VPS41: variants seen among roughly 807,000 people sequenced by gnomAD.
VPS41 encodes the protein vacuolar protein sorting-associated protein 41 homolog.
Under a neutral mutation model 130.9 loss-of-function variants are expected in VPS41, and 85 were observed. The ratio of observed to expected loss-of-function variants is 0.65; its 90% CI spans 0.55 to 0.78. The LOEUF (loss-of-function observed/expected upper bound fraction) is 0.78, where lower values mean the gene tolerates loss of function less well. Ranked by LOEUF, VPS41 falls within the 30% of genes least tolerant of loss-of-function variation. VPS41 has a pLI of 0.00. For synonymous variants in VPS41, 335 were observed against 332.9 expected (o/e 1.01, Z -0.07); for missense variants, 874 against 1,018.7 (o/e 0.86, Z 1.93).
intron 21 of VPS41, 55 bp from the exon 22 acceptor site, chr7:38,752,368 G>A: frequency 1.9e-6 from 3 of 1,604,120 alleles, no homozygotes; most frequent in Non-Finnish European, 2.6e-6. Flanking sequence ...AGCAATACCT[G>A]GCTAACATTG....
In VPS41 at chr7:38,723,297, A is replaced by C. The variant is rs899276615; in HGVS notation, c.*2949T>G. 6.6e-6 allele frequency: 1 copy of C among 152,226 alleles called. No homozygotes were observed. Among genetic ancestry groups the C allele is most frequent in the Non-Finnish European group, 1.5e-5 (1 of 68,046 alleles). 9.4% of individuals were successfully genotyped at this position (152,226 alleles called of 1,614,324 possible). On this transcript the variant is annotated 3_prime_UTR_variant, in exon 29 of 29. Transcript: ENST00000310301. ...TTGTAACAACAGCAAAATGAACTAC[A>C]AATCTGTTGGAAACTTCTCAAAAAT...
chr7:38,870,121 C>CG (rs1222863468), intron 2 of VPS41, among the ~76,000 whole-genome samples: 1 of 151,988 alleles, frequency 6.6e-6, no homozygotes, highest in Non-Finnish European at 1.5e-5. Context: ...CAGCCACTGC[C>CG]GGGGGTAGGG....
intron 10 of VPS41, among the ~76,000 whole-genome samples, chr7:38,779,032 A>C (rs941549791): frequency 6.6e-6 from 1 of 152,244 alleles, no homozygotes; most frequent in Non-Finnish European, 1.5e-5. Flanking sequence ...ACATGATAGA[A>C]ACTCCAATGT....
chr7:38,772,693 A>G, intron 12 of VPS41, 56 bp from the exon 13 acceptor site: 1 of 1,297,090 alleles, frequency 7.7e-7, no homozygotes, highest in Non-Finnish European at 1.1e-6. Flanking sequence ...AAAACTTGGC[A>G]ATGGTTTCAG....
At chr7:38,885,477 A>G (rs1239967642) in intron 2 of VPS41, among the ~76,000 whole-genome samples, 12 of 152,132 alleles carry the variant, frequency 7.9e-5, no homozygotes. Flanking sequence ...TAATCGCTCA[A>G]TTTCCTCTTC....
chr7:38,861,556 G>A (rs768099160), intron 4 of VPS41, among the ~76,000 whole-genome samples: 30 of 152,144 alleles, frequency 2.0e-4, no homozygotes, highest in Non-Finnish European at 3.7e-4. Flanking sequence ...GATTGTCCTC[G>A]TTCCAGGGTT....
chr7:38,818,742 G>A (rs1423123723), intron 6 of VPS41, among the ~76,000 whole-genome samples: 1 of 152,012 alleles, frequency 6.6e-6, no homozygotes, highest in Admixed American at 6.5e-5. Flanking sequence ...AACTAATTTT[G>A]TGTTTTTCTA....
intron 9 of VPS41, among the ~76,000 whole-genome samples, chr7:38,793,132 C>T (rs1784563215): frequency 6.6e-6 from 1 of 152,174 alleles, no homozygotes; most frequent in South Asian, 2.1e-4. Flanking sequence ...TATTTGCCAC[C>T]TTCAACATGC....
intron 3 of VPS41, among the ~76,000 whole-genome samples, chr7:38,863,860 T>C (rs1049299667): frequency 6.6e-6 from 1 of 152,100 alleles, no homozygotes; most frequent in Non-Finnish European, 1.5e-5. Context: ...GCTTGGGCGC[T>C]GGAAGGGAAA....
intron 2 of VPS41, among the ~76,000 whole-genome samples, chr7:38,885,471 C>T (rs1318227424): frequency 6.6e-6 from 1 of 152,138 alleles, no homozygotes; most frequent in African/African-American, 2.4e-5. Context: ...TATTATTAAT[C>T]GCTCAATTTC....
chr7:38,808,743 A>G (rs1784884024), intron 7 of VPS41, among the ~76,000 whole-genome samples: 1 of 152,202 alleles, frequency 6.6e-6, no homozygotes, highest in Admixed American at 6.5e-5. Flanking sequence ...CAGGAGACAG[A>G]GAGGAACTGC....
intron 5 of VPS41, among the ~76,000 whole-genome samples, chr7:38,826,057 G>A (rs1377686338): frequency 6.6e-6 from 1 of 152,188 alleles, no homozygotes; most frequent in Non-Finnish European, 1.5e-5. Context: ...GGTAGCTAAA[G>A]GGACTCTGGC....
intron 18 of VPS41, among the ~76,000 whole-genome samples, chr7:38,757,972 C>CT (rs2115740775): frequency 6.6e-6 from 1 of 152,180 alleles, no homozygotes; most frequent in African/African-American, 2.4e-5. Context: ...AAAATTTTCC[C>CT]ATAAGGAATT....
In VPS41 at chr7:38,853,405, C is replaced by T. The variant is rs573752289; in HGVS notation, c.246+9140G>A. 6.2e-3 allele frequency among the ~76,000 whole-genome samples: 691 copies of T among 111,380 alleles called. 9 individuals are homozygous for T. The highest frequency in any genetic ancestry group is 0.016 in the Middle Eastern group (2 of 124). The allele number at this position is 111,380 out of a possible 152,430, so 73.1% of individuals were successfully genotyped here. Reference sequence around the variant, plus strand: ...CTGCACTCCAGCCTGGGCGACAGAGCGAGACTCCTTCTCAAAAAAAAAAAA... The same window carrying T: ...CTGCACTCCAGCCTGGGCGACAGAGTGAGACTCCTTCTCAAAAAAAAAAAA... On this transcript the variant is annotated intron_variant, in intron 4 of 28. Transcript: ENST00000310301.
At chr7:38,746,249 T>C (rs1795982065) in intron 22 of VPS41, among the ~76,000 whole-genome samples, 1 of 45,026 alleles carries the variant, frequency 2.2e-5, no homozygotes, top group African/African-American at 9.1e-5. Context: ...AGCATTTCCA[T>C]TAGTCTTAAA....
At chr7:38,871,734 T>C (rs927036810) in intron 2 of VPS41, among the ~76,000 whole-genome samples, 1 of 152,238 alleles carries the variant, frequency 6.6e-6, no homozygotes, top group Non-Finnish European at 1.5e-5. Flanking sequence ...GTGTGATCAT[T>C]AGAAAATGTT....
chr7:38,848,026 C>T (rs1481521978), intron 4 of VPS41, among the ~76,000 whole-genome samples: 2 of 152,206 alleles, frequency 1.3e-5, no homozygotes, highest in African/African-American at 4.8e-5. Flanking sequence ...CTTAACACTT[C>T]ACAAATTTGA....
intron 4 of VPS41, among the ~76,000 whole-genome samples, chr7:38,856,518 G>A (rs1375209985): frequency 1.3e-5 from 2 of 152,118 alleles, no homozygotes; most frequent in African/African-American, 4.8e-5. Flanking sequence ...CTGAAAGGTA[G>A]TAACAGAAAA....
chr7:38,820,102 T>C (rs1459164403), intron 6 of VPS41, among the ~76,000 whole-genome samples: 1 of 152,174 alleles, frequency 6.6e-6, no homozygotes, highest in East Asian at 1.9e-4. Flanking sequence ...GACCCTGAGC[T>C]CTTCCGTCTT....
Sources: allele counts gnomAD v4.1 joint callset (sites outside exome capture counted in the v4.1 genomes callset), GRCh38; gene constraint gnomAD v4.1.1; transcripts MANE v1.5; gene names NCBI Gene and HGNC (gene_info 2026-07-23, HGNC 2026-07-21).